CACNB4: variants seen among roughly 807,000 people sequenced by gnomAD.
The protein encoded by CACNB4 is voltage-dependent L-type calcium channel subunit beta-4.
In CACNB4, 32 loss-of-function variants were observed where a neutral mutation model predicts 71.2. The ratio of observed to expected loss-of-function variants is 0.45; its 90% CI spans 0.34 to 0.60. CACNB4 has a LOEUF of 0.60. Among genes scored for constraint, CACNB4 ranks in the 20% least tolerant of loss-of-function variants. The pLI, the probability that CACNB4 is intolerant of heterozygous loss-of-function variation, is 0.01. For synonymous variants in CACNB4, 231 were observed against 236.9 expected (o/e 0.97, Z 0.23); for missense variants, 464 against 647.9 (o/e 0.72, Z 3.08).
intron 2 of CACNB4, among the ~76,000 whole-genome samples, chr2:151,946,957 T>C (rs1301242031): frequency 6.6e-6 from 1 of 152,156 alleles, no homozygotes; most frequent in African/African-American, 2.4e-5. Flanking sequence ...AATTCTGGTG[T>C]CCTGTGCCAT....
chr2:152,046,423 A>C (rs915607499), intron 2 of CACNB4, among the ~76,000 whole-genome samples: 1 of 152,356 alleles, frequency 6.6e-6, no homozygotes, highest in African/African-American at 2.4e-5. Flanking sequence ...CACTAAGATG[A>C]TAATCTCTCT....
At chr2:152,052,736 T>C (rs537044862) in intron 2 of CACNB4, among the ~76,000 whole-genome samples, 1 of 152,212 alleles carries the variant, frequency 6.6e-6, no homozygotes, top group East Asian at 1.9e-4. Flanking sequence ...TTCCAGCACT[T>C]TGGGGGGCTG....
chr2:152,081,575 T>C (rs1456865949), intron 2 of CACNB4, among the ~76,000 whole-genome samples: 1 of 152,272 alleles, frequency 6.6e-6, no homozygotes, highest in East Asian at 1.9e-4. Flanking sequence ...ACCCTCTAGC[T>C]ATATTCTCAC....
At chr2:152,061,787 G>A (rs1275534547) in intron 2 of CACNB4, among the ~76,000 whole-genome samples, 2 of 151,878 alleles carry the variant, frequency 1.3e-5, no homozygotes, top group African/African-American at 4.8e-5. Context: ...CGAGGCAGGC[G>A]GATCACCAGA....
intron 2 of CACNB4, among the ~76,000 whole-genome samples, chr2:151,891,698 T>C (rs1450229106): frequency 6.6e-6 from 1 of 152,166 alleles, no homozygotes. Context: ...AAAACACCCA[T>C]GATCATTTTT....
At chr2:151,893,093 G>A (rs761480753) in intron 2 of CACNB4, among the ~76,000 whole-genome samples, 9 of 152,120 alleles carry the variant, frequency 5.9e-5, no homozygotes, top group Non-Finnish European at 1.2e-4. Flanking sequence ...GCAGATCAAT[G>A]AAATTACAAG....
chr2:152,087,104 C>T (rs1455117184), intron 2 of CACNB4, among the ~76,000 whole-genome samples: 1 of 150,302 alleles, frequency 6.7e-6, no homozygotes, highest in Non-Finnish European at 1.5e-5. Context: ...TGCACTTCAG[C>T]CTGGGCAACA....
intron 6 of CACNB4, 45 bp from the exon 7 acceptor site, chr2:151,870,906 C>T: frequency 2.1e-6 from 3 of 1,438,952 alleles, no homozygotes; most frequent in Non-Finnish European, 2.9e-6. Context: ...GTAAACTCTG[C>T]AAATGACAGT....
intron 2 of CACNB4, among the ~76,000 whole-genome samples, chr2:152,012,161 A>C (rs535726987): frequency 5.3e-5 from 8 of 151,952 alleles, no homozygotes; most frequent in Non-Finnish European, 1.0e-4. Flanking sequence ...GGTATCCCAG[A>C]AGAAGGCATC....
intron 2 of CACNB4, among the ~76,000 whole-genome samples, chr2:151,886,226 G>T (rs2099849324): frequency 6.6e-6 from 1 of 152,212 alleles, no homozygotes; most frequent in South Asian, 2.1e-4. Context: ...CTGCTGTGAA[G>T]ACATCAGGAA....
chr2:151,919,318 C>T (rs2099858332), intron 2 of CACNB4, among the ~76,000 whole-genome samples: 1 of 152,130 alleles, frequency 6.6e-6, no homozygotes, highest in Non-Finnish European at 1.5e-5. Context: ...TGCAGCCTCA[C>T]ACTCCTGGGC....
chr2:151,967,986 T>C (rs919157341), intron 2 of CACNB4: 5 of 152,342 alleles, frequency 3.3e-5, no homozygotes, highest in African/African-American at 1.2e-4. Flanking sequence ...TCTATTTAGA[T>C]GTCAAAAATT....
chr2:151,921,279 A>C (rs1301692435), intron 2 of CACNB4, among the ~76,000 whole-genome samples: 1 of 152,212 alleles, frequency 6.6e-6, no homozygotes, highest in Non-Finnish European at 1.5e-5. Context: ...TCATCTAAAA[A>C]ATGATGACAG....
rs2099834122 is a variant in CACNB4, at chr2:151,832,906, T to C, written c.*6213A>G. The C allele has an allele frequency of 6.6e-6, 1 of 152,188 alleles. No individual in the cohort carries two copies. The highest frequency in any genetic ancestry group is 1.5e-5 in the Non-Finnish European group (1 of 68,006). The allele number at this position is 152,188 out of a possible 1,614,324, so 9.4% of individuals were successfully genotyped here. On this transcript the variant is annotated 3_prime_UTR_variant, in exon 14 of 14. Transcript: ENST00000539935. The stretch of plus-strand genomic sequence containing the variant: ...GCACTCTGCATTTTCTTTGTTAATG[T>C]TTTTATTCACAAAAATAACACCACG...
At chr2:151,933,716 A>C (rs1347212322) in intron 2 of CACNB4, among the ~76,000 whole-genome samples, 2 of 152,140 alleles carry the variant, frequency 1.3e-5, no homozygotes, top group East Asian at 3.9e-4. Flanking sequence ...TTCATTCTTT[A>C]ATCAAGTTGT....
chr2:151,931,980 C>T (rs907806832), intron 2 of CACNB4, among the ~76,000 whole-genome samples: 6 of 151,926 alleles, frequency 3.9e-5, no homozygotes, highest in Admixed American at 1.3e-4. Context: ...TAAAAATAAA[C>T]AACCAAAAAT....
Position 152,098,581 on chromosome 2 carries a change from C to G in CACNB4, c.64-168G>C. 1.0e-6 allele frequency: 1 copy of G among 989,626 alleles called. No individual in the cohort carries two copies. The highest frequency in any genetic ancestry group is 1.6e-6 in the Non-Finnish European group (1 of 633,102). 61.3% of individuals were successfully genotyped at this position (989,626 alleles called of 1,614,324 possible). A position where few individuals can be genotyped will look rare whatever the true frequency, so the allele number is the denominator to read the frequency against. On this transcript the variant is annotated intron_variant, in intron 1 of 13. Coordinates refer to ENST00000539935, the MANE Select transcript of CACNB4 (RefSeq NM_000726.5). This position sits in a 1 kb window ranked among gnomAD's most constrained non-coding sequence, Gnocchi z 5.3. ...CAAATACAGCCCCCACCCCCACCCA[C>G]CCACTGCAAGCCTCGACTGCTGAAA... is the stretch of plus-strand genomic sequence containing the variant.
At chr2:151,963,172 C>T (rs1407794909) in intron 2 of CACNB4, among the ~76,000 whole-genome samples, 1 of 151,868 alleles carries the variant, frequency 6.6e-6, no homozygotes, top group Non-Finnish European at 1.5e-5. Context: ...ATTAGCCAGG[C>T]GTGGTGACGG....
intron 2 of CACNB4, among the ~76,000 whole-genome samples, chr2:152,015,404 T>C (rs1683286387): frequency 6.6e-6 from 1 of 152,226 alleles, no homozygotes; most frequent in African/African-American, 2.4e-5. Flanking sequence ...GTGCTGGGAT[T>C]ACAGGCGTGA....
Sources: gnomAD v4.1 joint callset for allele counts (sites outside exome capture counted in the v4.1 genomes callset) on GRCh38, gnomAD v4.1.1 for gene constraint, Gnocchi (gnomAD v3.1) non-coding constraint, MANE v1.5 for transcripts, NCBI Gene and HGNC (gene_info 2026-07-23, HGNC 2026-07-21) for gene names.